CWC25: variants seen among roughly 807,000 people sequenced by gnomAD.
CWC25 encodes the protein pre-mRNA-splicing factor CWC25 homolog.
A neutral mutation model predicts 54.6 loss-of-function variants in CWC25; 31 were observed. The observed-to-expected ratio is 0.57, with a 90% CI of 0.43 to 0.77. The LOEUF (loss-of-function observed/expected upper bound fraction) is 0.77, where lower values mean the gene tolerates loss of function less well. Ranked by LOEUF, CWC25 falls within the 30% of genes least tolerant of loss-of-function variation. CWC25 has a pLI of 0.00. For synonymous variants in CWC25, 151 were observed against 187.0 expected, an observed-to-expected ratio of 0.81 and a Z score of 1.57; for missense variants, 453 against 529.3, an observed-to-expected ratio of 0.86 and a Z score of 1.41.
At chr17:38,813,496 C>T (rs993447944) in intron 3 of CWC25, among the ~76,000 whole-genome samples, 2 of 146,140 alleles carry the variant, frequency 1.4e-5, no homozygotes, top group African/African-American at 2.6e-5. Flanking sequence ...AAATAAAAAA[C>T]GACATGATGG....
chr17:38,821,090 G>T lies in CWC25; in HGVS notation c.19-17C>A. On this transcript the variant is annotated splice_polypyrimidine_tract_variant and intron_variant, in intron 1 of 9. Coordinates refer to ENST00000614790, the MANE Select transcript of CWC25 (RefSeq NM_017748.5). Reference sequence around the variant, plus strand: ...CTTCAGATTCTGTGGTAAATAAAAAGAAGGTGATGATAATTCGGGGGGTGA... The same window carrying T: ...CTTCAGATTCTGTGGTAAATAAAAATAAGGTGATGATAATTCGGGGGGTGA... 1 of 1,607,008 alleles carries T rather than the reference G, an allele frequency of 6.2e-7. No individual in the cohort carries two copies. The highest frequency in any genetic ancestry group is 1.1e-5 in the South Asian group (1 of 90,244).
chr17:38,817,949 G>C (rs1034680818), intron 2 of CWC25, among the ~76,000 whole-genome samples: 2 of 151,704 alleles, frequency 1.3e-5, no homozygotes, highest in Admixed American at 6.6e-5. Flanking sequence ...CTGGGAGACA[G>C]AGCAAGACTC....
chr17:38,811,260 G>A (rs1021030446), intron 4 of CWC25, among the ~76,000 whole-genome samples: 3 of 151,510 alleles, frequency 2.0e-5, no homozygotes, highest in African/African-American at 7.3e-5. Context: ...AAGCCCAGGC[G>A]GGGTGGCTCA....
At chr17:38,803,821 T>G (rs908117712) in intron 8 of CWC25, among the ~76,000 whole-genome samples, 8 of 151,588 alleles carry the variant, frequency 5.3e-5, no homozygotes, top group African/African-American at 1.5e-4. Flanking sequence ...GAGGATTGCT[T>G]GAGTCCAAGA....
At chr17:38,804,236 C>T (rs1911138480) in intron 8 of CWC25, among the ~76,000 whole-genome samples, 1 of 152,022 alleles carries the variant, frequency 6.6e-6, no homozygotes, top group Non-Finnish European at 1.5e-5. Context: ...ATATATCATA[C>T]AAGTATGAAT....
chr17:38,812,701 G>A, intron 4 of CWC25, 94 bp downstream of exon 4: 1 of 713,900 alleles, frequency 1.4e-6, no homozygotes. Context: ...AGGCCATTCT[G>A]TTTTTCCCCT....
intron 8 of CWC25, 40 bp downstream of exon 8, chr17:38,806,257 G>A: frequency 2.0e-6 from 3 of 1,523,478 alleles, no homozygotes; most frequent in Non-Finnish European, 1.8e-6. Context: ...CTAGATTCAG[G>A]CCTGCAAAAT....
At chr17:38,815,527 G>A (rs1247036381) in intron 2 of CWC25, 1 of 539,876 alleles carries the variant, frequency 1.9e-6, no homozygotes, top group Non-Finnish European at 3.3e-6. Context: ...ACTCCAGCCT[G>A]GGTGACGGAG....
chr17:38,817,527 G>A (rs915074158), intron 2 of CWC25, among the ~76,000 whole-genome samples: 2 of 151,744 alleles, frequency 1.3e-5, no homozygotes, highest in South Asian at 2.1e-4. Context: ...AGTAACTCAC[G>A]CCTGTAATCC....
chr17:38,821,943 A>AT (rs1186767979), intron 1 of CWC25, among the ~76,000 whole-genome samples: 1 of 151,268 alleles, frequency 6.6e-6, no homozygotes, highest in Non-Finnish European at 1.5e-5. Flanking sequence ...TAATTTTTGT[A>AT]TTTTTTAGTA....
Position 38,809,783 on chromosome 17 carries a change from A to C in CWC25, c.627-18T>G. 6.2e-7 allele frequency: 1 copy of C among 1,610,450 alleles called. No homozygotes were observed. On this transcript the variant is annotated intron_variant, in intron 5 of 9. Coordinates refer to ENST00000614790, the MANE Select transcript of CWC25 (RefSeq NM_017748.5). ...TCTGTGATCTAAGAGATCAAAATAC[A>C]CACACTCATTGAAAAAGAAAATATA...
intron 6 of CWC25, among the ~76,000 whole-genome samples, chr17:38,808,946 CA>C (rs71138657): frequency 0.08 from 8,627 of 107,950 alleles, 867 homozygotes; most frequent in African/African-American, 0.25. Flanking sequence ...AACTCCACCT[CA>C]AAAAAAAAAA....
chr17:38,817,502 A>C (rs1182049283), intron 2 of CWC25, among the ~76,000 whole-genome samples: 1 of 151,860 alleles, frequency 6.6e-6, no homozygotes. Flanking sequence ...TATACAAAAA[A>C]ATTAGGCCAG....
intron 5 of CWC25, 29 bp from the exon 6 acceptor site, chr17:38,809,794 G>A (rs749999493): frequency 6.3e-7 from 1 of 1,593,004 alleles, no homozygotes; most frequent in Non-Finnish European, 8.6e-7. Flanking sequence ...CACACTCATT[G>A]AAAAAGAAAA....
intron 1 of CWC25, among the ~76,000 whole-genome samples, chr17:38,823,159 CTTT>C (rs35287371): frequency 3.3e-5 from 4 of 122,420 alleles, no homozygotes; most frequent in Non-Finnish European, 3.4e-5. Context: ...TTTTTTTTAA[CTTT>C]TTTTTTTTTT....
intron 8 of CWC25, 135 bp from the exon 9 acceptor site, chr17:38,802,996 T>C: frequency 1.0e-6 from 1 of 977,388 alleles, no homozygotes. Context: ...CCAGCCTGAG[T>C]TCCCTTCTAA....
In CWC25 at chr17:38,812,807, T is replaced by G. The variant is rs1409737961; in HGVS notation, c.486A>C (p.Lys162Asn). 1.6e-5 allele frequency: 24 copies of G among 1,517,640 alleles called. No homozygotes were observed. Among genetic ancestry groups the G allele is most frequent in the Non-Finnish European group, 2.2e-5 (24 of 1,116,154 alleles). 94.0% of individuals were successfully genotyped at this position (1,517,640 alleles called of 1,614,324 possible). Residue 162 changes from lysine (K) to asparagine (N), a missense_variant, in exon 4 of 10, where the codon AAA (lysine) becomes AAC (asparagine). Physicochemically the swap from Lys to Asn is moderately conservative, Grantham distance 94. Transcript: ENST00000614790. ...GTATACTACTTACCAATTCTTTGAT[T>G]TTCTTCATTTTCACTGGATTATTTA... ...EVLNNPVKMK[K>N]IKELLQMSLE...
intron 6 of CWC25, 145 bp from the exon 7 acceptor site, chr17:38,807,121 G>A (rs572399766): frequency 2.2e-5 from 13 of 582,934 alleles, no homozygotes; most frequent in Non-Finnish European, 3.0e-5. Flanking sequence ...TCAGGAGTTC[G>A]AGACCAGCCT....
chr17:38,824,438 G>C (rs1165868777), intron 1 of CWC25, among the ~76,000 whole-genome samples: 1 of 151,632 alleles, frequency 6.6e-6, no homozygotes, highest in African/African-American at 2.4e-5. Flanking sequence ...TGTAATCCTA[G>C]CACTCTGGGA....
Sources: gnomAD v4.1 joint callset for allele counts (sites outside exome capture counted in the v4.1 genomes callset) on GRCh38, gnomAD v4.1.1 for gene constraint, MANE v1.5 for transcripts, NCBI Gene and HGNC (gene_info 2026-07-23, HGNC 2026-07-21) for gene names.